Variants in RPS6KC1 observed in about 807,000 individuals in gnomAD.
RPS6KC1 encodes inactive ribosomal protein S6 kinase delta-1.
In RPS6KC1, 54 loss-of-function variants were observed where a neutral mutation model predicts 103.8. The ratio of observed to expected loss-of-function variants is 0.52; its 90% CI spans 0.42 to 0.65. The LOEUF (loss-of-function observed/expected upper bound fraction) is 0.65. Ranked by LOEUF, RPS6KC1 falls within the 30% of genes least tolerant of loss-of-function variation. The pLI is 0.00. For synonymous variants in RPS6KC1, 439 were observed against 438.7 expected, an observed-to-expected ratio of 1.00 and a Z score of -0.01; for missense variants, 1,151 against 1,253.8, an observed-to-expected ratio of 0.92 and a Z score of 1.24.
At chr1:213,831,648 AATAATT>A in the RPS6KC1 span, among the ~76,000 whole-genome samples, 1 of 152,214 alleles carries the variant, frequency 6.6e-6, no homozygotes, top group Admixed American at 6.5e-5. Context: ...TTTGTATTAT[AATAATT>A]ATAATTCCAA....
chr1:213,804,982 C>A, the RPS6KC1 span, among the ~76,000 whole-genome samples: 1 of 152,206 alleles, frequency 6.6e-6, no homozygotes, highest in East Asian at 1.9e-4. Flanking sequence ...TATTTGGTTT[C>A]CCAGTGCCTA....
At chr1:213,463,475 C>A in the RPS6KC1 span, among the ~76,000 whole-genome samples, 1 of 152,230 alleles carries the variant, frequency 6.6e-6, no homozygotes, top group East Asian at 1.9e-4. Flanking sequence ...ATCTTGTGTA[C>A]CTTTTACTCA....
chr1:213,058,787 CA>C (rs2077567810), intron 1 of RPS6KC1, among the ~76,000 whole-genome samples: 1 of 152,072 alleles, frequency 6.6e-6, no homozygotes, highest in Non-Finnish European at 1.5e-5. Flanking sequence ...TCTATAGCTA[CA>C]AAAAATCCTT....
At chr1:213,808,814 C>T in the RPS6KC1 span, among the ~76,000 whole-genome samples, 3 of 152,242 alleles carry the variant, frequency 2.0e-5, no homozygotes, top group African/African-American at 7.2e-5. Flanking sequence ...CTGGCACTCC[C>T]TAGTGAGATG....
intron 6 of RPS6KC1, among the ~76,000 whole-genome samples, chr1:213,132,921 A>T (rs1051387027): frequency 5.9e-5 from 9 of 152,354 alleles, no homozygotes; most frequent in African/African-American, 2.2e-4. Context: ...GGTTGTTAGT[A>T]GGTCTGATAA....
the RPS6KC1 span, among the ~76,000 whole-genome samples, chr1:213,734,194 C>A: frequency 6.6e-6 from 1 of 152,194 alleles, no homozygotes; most frequent in South Asian, 2.1e-4. Context: ...CAGCCCAGAT[C>A]CTTTTCTTAG....
the RPS6KC1 span, among the ~76,000 whole-genome samples, chr1:213,472,259 C>T: frequency 6.6e-6 from 1 of 152,048 alleles, no homozygotes; most frequent in Non-Finnish European, 1.5e-5. Flanking sequence ...ATTAATAAAA[C>T]ACAACTATTC....
At chr1:213,693,423 A>G in the RPS6KC1 span, among the ~76,000 whole-genome samples, 3 of 152,344 alleles carry the variant, frequency 2.0e-5, no homozygotes, top group South Asian at 6.2e-4. Flanking sequence ...TTGGACTACA[A>G]GCTCCTTCAA....
At chr1:213,229,878 A>C (rs2094049060) in intron 8 of RPS6KC1, among the ~76,000 whole-genome samples, 1 of 152,188 alleles carries the variant, frequency 6.6e-6, no homozygotes, top group Non-Finnish European at 1.5e-5. Flanking sequence ...AAGCAGGGAG[A>C]TCAGTTGGAA....
the RPS6KC1 span, among the ~76,000 whole-genome samples, chr1:213,530,801 C>T: frequency 6.6e-6 from 1 of 152,216 alleles, no homozygotes; most frequent in Admixed American, 6.5e-5. Context: ...ATTTGAGCTC[C>T]TTTCTGCCTC....
intron 3 of RPS6KC1, among the ~76,000 whole-genome samples, chr1:213,100,258 C>A (rs1218331870): frequency 2.7e-5 from 4 of 145,816 alleles, no homozygotes; most frequent in South Asian, 4.2e-4. Context: ...CTCATATATC[C>A]TTTTTTTTTG....
chr1:213,650,721 C>A, the RPS6KC1 span, among the ~76,000 whole-genome samples: 1 of 152,074 alleles, frequency 6.6e-6, no homozygotes, highest in Non-Finnish European at 1.5e-5. Flanking sequence ...CCTCTCCCCA[C>A]CCCATTCCAT....
chr1:213,223,205 CTTTT>C (rs2093876878), intron 8 of RPS6KC1, among the ~76,000 whole-genome samples: 1 of 152,030 alleles, frequency 6.6e-6, no homozygotes, highest in Admixed American at 6.6e-5. Flanking sequence ...GTCCTGTAGT[CTTTT>C]TGTTTCTTTT....
intron 6 of RPS6KC1, among the ~76,000 whole-genome samples, chr1:213,143,048 C>T (rs936180296): frequency 6.6e-6 from 1 of 151,968 alleles, no homozygotes; most frequent in African/African-American, 2.4e-5. Context: ...ACATCGTGGC[C>T]TTTACTACCG....
chr1:213,372,039 C>T, the RPS6KC1 span, among the ~76,000 whole-genome samples: 1 of 152,212 alleles, frequency 6.6e-6, no homozygotes, highest in African/African-American at 2.4e-5. Flanking sequence ...TTCCTTACTG[C>T]AAAATGGAGT....
chr1:213,137,194 C>T (rs932239665), intron 6 of RPS6KC1, among the ~76,000 whole-genome samples: 1 of 152,088 alleles, frequency 6.6e-6, no homozygotes, highest in African/African-American at 2.4e-5. Flanking sequence ...CCTTTCACTG[C>T]CACACCTTGA....
the RPS6KC1 span, among the ~76,000 whole-genome samples, chr1:213,783,698 A>T: frequency 6.6e-6 from 1 of 151,528 alleles, no homozygotes; most frequent in Non-Finnish European, 1.5e-5. Flanking sequence ...TGGAGCCATT[A>T]TCATTTCTCT....
At chr1:213,147,709 G>T (rs1245811172) in intron 6 of RPS6KC1, among the ~76,000 whole-genome samples, 8 of 152,036 alleles carry the variant, frequency 5.3e-5, no homozygotes, top group Non-Finnish European at 2.9e-5. Context: ...AAATTTTAGT[G>T]TTGTTTTTCT....
the RPS6KC1 span, among the ~76,000 whole-genome samples, chr1:213,305,423 G>A: frequency 6.6e-6 from 1 of 152,194 alleles, no homozygotes; most frequent in Non-Finnish European, 1.5e-5. Flanking sequence ...TGGGATTTAA[G>A]CTTAAGACTC....
Sources: gnomAD v4.1 joint callset for allele counts (sites outside exome capture counted in the v4.1 genomes callset) on GRCh38, gnomAD v4.1.1 for gene constraint, MANE v1.5 for transcripts, NCBI Gene and HGNC (gene_info 2026-07-23, HGNC 2026-07-21) for gene names.